SMYD2: variants seen among roughly 807,000 people sequenced by gnomAD.
The protein encoded by SMYD2 is SET and MYND domain containing 2, also known as N-lysine methyltransferase SMYD2.
In SMYD2, 53 loss-of-function variants were observed where a neutral mutation model predicts 59.1. That is an observed-to-expected ratio of 0.90 (90% CI 0.72 to 1.13). The LOEUF (loss-of-function observed/expected upper bound fraction) is 1.13. SMYD2 is among the 50% of genes most tolerant of loss of function. The pLI is 0.00. For missense variants in SMYD2, 494 were observed against 544.7 expected (o/e 0.91, Z 0.93); for synonymous variants, 208 against 198.8 (o/e 1.05, Z -0.39).
chr1:214,336,892 G>A lies in SMYD2; in HGVS notation c.*108G>A. ...CTCCAGCATCTCTGTAAAATAATTG[G>A]AATGAAAATACTTCTTGCACTTAAA... On this transcript the variant is annotated 3_prime_UTR_variant, in exon 12 of 12. Transcript: ENST00000366957. 2.0e-6 allele frequency: 2 copies of A among 977,858 alleles called. No individual in the cohort carries two copies. Among genetic ancestry groups the A allele is most frequent in the Non-Finnish European group, 3.0e-6 (2 of 674,358 alleles). The allele number at this position is 977,858 out of a possible 1,614,324, so 60.6% of individuals were successfully genotyped here.
At chr1:214,336,527 G>A (rs908943480) in intron 11 of SMYD2, among the ~76,000 whole-genome samples, 177 bp from the exon 12 acceptor site, 3 of 151,816 alleles carry the variant, frequency 2.0e-5, no homozygotes, top group African/African-American at 7.2e-5. Context: ...GCGAGACTCC[G>A]TCTCAAAATA....
intron 9 of SMYD2, 108 bp from the exon 10 acceptor site, chr1:214,331,910 C>T: frequency 1.0e-6 from 1 of 973,082 alleles, no homozygotes; most frequent in African/African-American, 1.6e-5. Flanking sequence ...GTTACTTTTT[C>T]ATGGGGTAAG....
At position 214,324,825 on chromosome 1, in the gene SMYD2, A is replaced by G. The variant is rs115402320; in HGVS notation, c.602+117A>G. 1,195 of 875,796 alleles carry G rather than the reference A, an allele frequency of 1.4e-3. 13 individuals carry two copies. The African/African-American group carries it at 0.018, about 13-fold the overall frequency. 54.3% of individuals were successfully genotyped at this position (875,796 alleles called of 1,614,324 possible). A position where few individuals can be genotyped will look rare whatever the true frequency, so the allele number is the denominator to read the frequency against. ...TGTGGCAGACATGAAACTCAAAGTG[A>G]ATTAAAACAGCTTTTTAATCTGCCA... On this transcript the variant is annotated intron_variant, in intron 6 of 11. Transcript: ENST00000366957.
chr1:214,296,423 T>G (rs1656728467), intron 1 of SMYD2, among the ~76,000 whole-genome samples: 1 of 152,216 alleles, frequency 6.6e-6, no homozygotes, highest in South Asian at 2.1e-4. Context: ...CAAAGAGCCC[T>G]TCTGTTCACA....
intron 6 of SMYD2, among the ~76,000 whole-genome samples, chr1:214,325,651 C>T (rs552011404): frequency 3.3e-5 from 5 of 151,966 alleles, no homozygotes; most frequent in Non-Finnish European, 7.4e-5. Flanking sequence ...GTCTGTGTCT[C>T]GTGAGCAGCT....
rs1657058469 is a variant in SMYD2, at chr1:214,315,023, A to G, written c.348+151A>G. ...ATCCATATGGACAGGGGTGGGGAAA[A>G]TACTCCAGGCATAATCTAGTTAGTT... On this transcript the variant is annotated intron_variant, in intron 3 of 11. Coordinates refer to ENST00000366957, the MANE Select transcript of SMYD2 (RefSeq NM_020197.3). 7 of 648,554 alleles carry G rather than the reference A, an allele frequency of 1.1e-5. No individual in the cohort carries two copies. In the East Asian group the frequency reaches 1.9e-4, roughly 18 times the overall value. 40.2% of individuals were successfully genotyped at this position (648,554 alleles called of 1,614,324 possible).
chr1:214,323,052 A>G (rs550093640), intron 5 of SMYD2, among the ~76,000 whole-genome samples: 1 of 152,328 alleles, frequency 6.6e-6, no homozygotes, highest in East Asian at 1.9e-4. Context: ...TGGGACAAGC[A>G]GGGGTCTCAG....
chr1:214,331,092 A>G (rs1194934238), intron 9 of SMYD2, 22 bp downstream of exon 9: 1 of 1,611,474 alleles, frequency 6.2e-7, no homozygotes. Flanking sequence ...AACTGCCCTG[A>G]TAGCTTATTA....
intron 6 of SMYD2, among the ~76,000 whole-genome samples, chr1:214,326,249 A>C (rs1396624794): frequency 1.3e-5 from 2 of 151,820 alleles, no homozygotes; most frequent in Non-Finnish European, 2.9e-5. Context: ...AAAAAAAAAA[A>C]AAAAAAAGAG....
intron 1 of SMYD2, among the ~76,000 whole-genome samples, chr1:214,286,132 T>C (rs1656534107): frequency 6.6e-6 from 1 of 152,194 alleles, no homozygotes; most frequent in Non-Finnish European, 1.5e-5. Flanking sequence ...GGTTTGTCTT[T>C]AGGCCAGTTA....
intron 7 of SMYD2, among the ~76,000 whole-genome samples, chr1:214,329,561 C>G (rs568147304): frequency 3.8e-5 from 5 of 133,290 alleles, no homozygotes; most frequent in African/African-American, 1.2e-4. Flanking sequence ...GCTCGCTGCC[C>G]TGCAGGATCA....
intron 1 of SMYD2, among the ~76,000 whole-genome samples, chr1:214,297,791 A>G (rs748281052): frequency 6.6e-6 from 1 of 152,248 alleles, no homozygotes; most frequent in Non-Finnish European, 1.5e-5. Flanking sequence ...GTTATTCACT[A>G]TCAGTAACAG....
At chr1:214,293,405 G>A (rs763259346) in intron 1 of SMYD2, among the ~76,000 whole-genome samples, 8 of 151,990 alleles carry the variant, frequency 5.3e-5, no homozygotes, top group African/African-American at 1.2e-4. Context: ...TTTATTTATC[G>A]ACTTGTTTGT....
intron 1 of SMYD2, among the ~76,000 whole-genome samples, chr1:214,304,607 G>A (rs563639952): frequency 2.0e-5 from 3 of 146,360 alleles, no homozygotes; most frequent in Admixed American, 6.9e-5. Flanking sequence ...TTGCTAGGTT[G>A]CACTTTTAAA....
intron 2 of SMYD2, among the ~76,000 whole-genome samples, chr1:214,307,723 T>C: frequency 6.6e-6 from 1 of 152,150 alleles, no homozygotes; most frequent in East Asian, 1.9e-4. Flanking sequence ...AGATGCCCTT[T>C]ATGGTTTCCC....
At chr1:214,317,653 G>C (rs1657107591) in intron 3 of SMYD2, among the ~76,000 whole-genome samples, 1 of 152,228 alleles carries the variant, frequency 6.6e-6, no homozygotes, top group Non-Finnish European at 1.5e-5. Context: ...TTGAAACACA[G>C]AATTTGAGAT....
At chr1:214,330,879 T>C in intron 8 of SMYD2, 71 bp from the exon 9 acceptor site, 1 of 1,607,550 alleles carries the variant, frequency 6.2e-7, no homozygotes, top group Non-Finnish European at 8.5e-7. Flanking sequence ...ATGTGTATTA[T>C]ATGAGAGGTT....
chr1:214,303,647 T>C (rs1656862007), intron 1 of SMYD2, among the ~76,000 whole-genome samples: 3 of 152,256 alleles, frequency 2.0e-5, no homozygotes, highest in Admixed American at 2.0e-4. Context: ...GCAGTCTGTT[T>C]AGTTCCAACA....
At chr1:214,297,875 A>G (rs1166053071) in intron 1 of SMYD2, among the ~76,000 whole-genome samples, 5 of 152,056 alleles carry the variant, frequency 3.3e-5, no homozygotes, top group Non-Finnish European at 2.9e-5. Flanking sequence ...ATGTTAAGAA[A>G]ATTCACACTG....
Sources: allele counts gnomAD v4.1 joint callset (sites outside exome capture counted in the v4.1 genomes callset), GRCh38; gene constraint gnomAD v4.1.1; transcripts MANE v1.5; gene names NCBI Gene and HGNC (gene_info 2026-07-23, HGNC 2026-07-21).